Variants in MTMR12 observed in about 807,000 individuals in gnomAD.
MTMR12 encodes the protein myotubularin related protein 12.
In MTMR12, 33 loss-of-function variants were observed where a neutral mutation model predicts 96.7. The ratio of observed to expected loss-of-function variants is 0.34; its 90% CI spans 0.26 to 0.46. MTMR12 has a LOEUF of 0.46. Ranked by LOEUF, MTMR12 falls within the 20% of genes least tolerant of loss-of-function variation. The probability of loss-of-function intolerance (pLI) is 1.00; values close to 1 mark genes in which losing one functional copy is unlikely to be tolerated. For synonymous variants in MTMR12, 298 were observed against 327.2 expected, an observed-to-expected ratio of 0.91 and a Z score of 0.96; for missense variants, 721 against 896.1, an observed-to-expected ratio of 0.80 and a Z score of 2.49.
At chr5:32,231,298 G>A (rs913812730) in intron 15 of MTMR12, among the ~76,000 whole-genome samples, 6 of 149,820 alleles carry the variant, frequency 4.0e-5, no homozygotes, top group African/African-American at 1.5e-4. Flanking sequence ...AGAATTGCTT[G>A]AACCCAGGAG....
intron 1 of MTMR12, among the ~76,000 whole-genome samples, chr5:32,293,233 T>G (rs1371501294): frequency 6.6e-6 from 1 of 152,092 alleles, no homozygotes; most frequent in Non-Finnish European, 1.5e-5. Flanking sequence ...TGATCCTGGG[T>G]GTGGTTGTGA....
chr5:32,300,732 A>G (rs1751108931), intron 1 of MTMR12, among the ~76,000 whole-genome samples: 2 of 152,190 alleles, frequency 1.3e-5, no homozygotes, highest in South Asian at 4.1e-4. Flanking sequence ...TTAAAACAAA[A>G]AGAGAAAAAG....
chr5:32,300,453 G>GT (rs950276824), intron 1 of MTMR12, among the ~76,000 whole-genome samples: 8 of 152,224 alleles, frequency 5.3e-5, no homozygotes, highest in African/African-American at 1.7e-4. Flanking sequence ...ATGGCACCTT[G>GT]TTTCCATCCC....
At chr5:32,290,108 A>G (rs149266732) in intron 1 of MTMR12, among the ~76,000 whole-genome samples, 2,599 of 152,320 alleles carry the variant, frequency 0.017, 81 homozygotes, top group African/African-American at 0.058. Flanking sequence ...CCTGGTATAC[A>G]GCCATTGACT....
chr5:32,253,392 T>C (rs552861577), intron 8 of MTMR12, among the ~76,000 whole-genome samples: 1 of 152,224 alleles, frequency 6.6e-6, no homozygotes, highest in Non-Finnish European at 1.5e-5. Context: ...TTAATTTGCT[T>C]AAGGCCATTT....
Position 32,242,051 on chromosome 5 carries a change from T to C in MTMR12, c.1171+6A>G, listed in dbSNP as rs78832310. ...GAAATCATCCTTTGTGCTTCCTATATATTACCTAAAAGAAGAACATTCATG... is the reference window on the plus strand; with the variant it reads ...GAAATCATCCTTTGTGCTTCCTATACATTACCTAAAAGAAGAACATTCATG... On this transcript the variant is annotated splice_donor_region_variant and intron_variant, in intron 12 of 15. Coordinates refer to ENST00000382142, the MANE Select transcript of MTMR12 (RefSeq NM_001040446.3). The C allele has an allele frequency of 1.1e-3, 1,780 of 1,606,012 alleles. 14 individuals carry two copies. The African/African-American group carries it at 0.02, about 18-fold the overall frequency.
rs1747880601 is a variant in MTMR12 at position 32,228,954 on chromosome 5, G to C, written c.*824C>G. On this transcript the variant is annotated 3_prime_UTR_variant, in exon 16 of 16. Transcript: ENST00000382142. ...AACAAGGAGAGACTCCAGAGGAATG[G>C]ACGCTCCTCAGGAAGGATCTCAGGC... The C allele has an allele frequency of 6.6e-6, 1 of 152,050 alleles. No individual in the cohort carries two copies. 9.4% of individuals were successfully genotyped at this position (152,050 alleles called of 1,614,324 possible). A position where few individuals can be genotyped will look rare whatever the true frequency, so the allele number is the denominator to read the frequency against.
chr5:32,275,789 G>A (rs762334610), intron 2 of MTMR12, among the ~76,000 whole-genome samples: 26 of 152,010 alleles, frequency 1.7e-4, no homozygotes, highest in South Asian at 8.3e-4. Context: ...AAAAACAAGA[G>A]GAGATAAGGT....
At chr5:32,259,913 G>A (rs891764143) in intron 7 of MTMR12, among the ~76,000 whole-genome samples, 1 of 151,804 alleles carries the variant, frequency 6.6e-6, no homozygotes, top group African/African-American at 2.4e-5. Context: ...GCGCATGCCT[G>A]TAATCCCAGA....
At position 32,259,280 on chromosome 5, in the gene MTMR12, G is replaced by C. The variant is rs114081321; in HGVS notation, c.714-3512C>G. On this transcript the variant is annotated intron_variant, in intron 7 of 15. Coordinates refer to ENST00000382142, the MANE Select transcript of MTMR12 (RefSeq NM_001040446.3). ...AGCAACAGCTCCTAGGTCCCTCTGT[G>C]TGGTACACACTCCACAGGGCCACAT... Among the ~76,000 whole-genome samples the C allele has an allele frequency of 3.2e-3, 492 of 152,330 alleles. 2 individuals are homozygous for C. The highest frequency in any genetic ancestry group is 0.011 in the African/African-American group (456 of 41,572).
intron 1 of MTMR12, among the ~76,000 whole-genome samples, chr5:32,294,762 T>C (rs900365241): frequency 6.6e-6 from 1 of 152,246 alleles, no homozygotes; most frequent in Non-Finnish European, 1.5e-5. Flanking sequence ...GTAAGTCTGC[T>C]GAAAGAATGG....
chr5:32,277,079 G>A (rs1279645135), intron 1 of MTMR12, among the ~76,000 whole-genome samples: 1 of 151,766 alleles, frequency 6.6e-6, no homozygotes, highest in Non-Finnish European at 1.5e-5. Context: ...TAGAGATGGG[G>A]TTTCACCTTG....
intron 1 of MTMR12, among the ~76,000 whole-genome samples, chr5:32,306,807 T>G (rs1165842129): frequency 2.6e-5 from 4 of 152,212 alleles, no homozygotes; most frequent in African/African-American, 9.6e-5. Context: ...GAGTATATTA[T>G]CTTTAAATTC....
At chr5:32,311,112 G>A (rs899741844) in intron 1 of MTMR12, among the ~76,000 whole-genome samples, 1 of 151,980 alleles carries the variant, frequency 6.6e-6, no homozygotes, top group Non-Finnish European at 1.5e-5. Flanking sequence ...CACCTCAGCC[G>A]GCCCAAAGTG....
intron 15 of MTMR12, among the ~76,000 whole-genome samples, chr5:32,232,491 A>G (rs1167132245): frequency 6.6e-6 from 1 of 152,166 alleles, no homozygotes; most frequent in African/African-American, 2.4e-5. Flanking sequence ...AATGAAATCC[A>G]TTATTGGAAG....
At chr5:32,245,059 G>C (rs1748627527) in intron 10 of MTMR12, among the ~76,000 whole-genome samples, 1 of 151,600 alleles carries the variant, frequency 6.6e-6, no homozygotes, top group South Asian at 2.1e-4. Context: ...ATGGAGTTTT[G>C]CTCTTGTCAC....
At position 32,274,298 on chromosome 5, in the gene MTMR12, G is replaced by T. The variant is rs56215869; in HGVS notation, c.143-176C>A. On this transcript the variant is annotated intron_variant, in intron 2 of 15. Transcript: ENST00000382142. ...TGCAAAAACATAAGAGAGAAGATGCGGCAGAGTGGAAACCACCAAGAAGTG... is the reference window on the plus strand; with the variant it reads ...TGCAAAAACATAAGAGAGAAGATGCTGCAGAGTGGAAACCACCAAGAAGTG... Among the ~76,000 whole-genome samples, 2,686 of 151,946 alleles carry T rather than the reference G, an allele frequency of 0.018. 43 individuals carry two copies. The highest frequency in any genetic ancestry group is 0.07 in the East Asian group (363 of 5,170).
intron 8 of MTMR12, among the ~76,000 whole-genome samples, chr5:32,249,913 G>A (rs565305584): frequency 2.2e-4 from 34 of 152,346 alleles, no homozygotes; most frequent in Non-Finnish European, 2.8e-4. Context: ...AAGTGCTTGA[G>A]AGTGGCTAAG....
chr5:32,270,783 G>A, intron 5 of MTMR12, 34 bp downstream of exon 5: 1 of 1,574,546 alleles, frequency 6.4e-7, no homozygotes, highest in Non-Finnish European at 8.6e-7. Flanking sequence ...AACCTGATGG[G>A]AAATAAAACC....
Sources: gnomAD v4.1 joint callset for allele counts (sites outside exome capture counted in the v4.1 genomes callset) on GRCh38, gnomAD v4.1.1 for gene constraint, MANE v1.5 for transcripts, NCBI Gene and HGNC (gene_info 2026-07-23, HGNC 2026-07-21) for gene names.